ATP6V1H: variants seen among roughly 807,000 people sequenced by gnomAD.
The protein encoded by ATP6V1H is ATPase H+ transporting V1 subunit H.
A neutral mutation model predicts 71.7 loss-of-function variants in ATP6V1H; 39 were observed. The ratio of observed to expected loss-of-function variants is 0.54; its 90% CI spans 0.42 to 0.71. ATP6V1H has a LOEUF of 0.71. ATP6V1H is among the 30% of genes least tolerant of loss of function. The pLI is 0.00. For missense variants in ATP6V1H, 509 were observed against 594.9 expected (o/e 0.86, Z 1.50); for synonymous variants, 192 against 199.3 (o/e 0.96, Z 0.31).
chr8:53,829,060 G>A (rs983286237), intron 4 of ATP6V1H, among the ~76,000 whole-genome samples: 16 of 152,166 alleles, frequency 1.1e-4, no homozygotes, highest in African/African-American at 2.7e-4. Context: ...TCCAGGGCCC[G>A]GCACTGGCCT....
At chr8:53,748,936 G>A (rs1055707550) in intron 12 of ATP6V1H, among the ~76,000 whole-genome samples, 1 of 152,176 alleles carries the variant, frequency 6.6e-6, no homozygotes, top group African/African-American at 2.4e-5. Flanking sequence ...TTTGAACAAA[G>A]GAACACAGAG....
chr8:53,814,741 G>A lies in ATP6V1H; in HGVS notation c.446C>T (p.Ala149Val). 1.2e-6 allele frequency: 2 copies of A among 1,611,454 alleles called. No homozygotes were observed. The highest frequency in any genetic ancestry group is 1.7e-6 in the Non-Finnish European group (2 of 1,178,696). Reference protein sequence around the residue: ...HMAARIIAKLAAWGKELMEGS... With the variant: ...HMAARIIAKLVAWGKELMEGS... ...TTCCATCAGTTCTTTTCCCCAAGCTGCTAACTTGGCAATAATTCTTGCTGC... is the reference window on the plus strand; with the variant it reads ...TTCCATCAGTTCTTTTCCCCAAGCTACTAACTTGGCAATAATTCTTGCTGC... The change falls in exon 6 of 14, where the codon GCA becomes GTA. Residue 149 changes from alanine to valine, a missense_variant. Around this residue, in one of 2 missense-constraint regions of ATP6V1H, gnomAD observed 297 missense variants for 303.3 expected, o/e 0.98. Coordinates refer to ENST00000359530, the MANE Select transcript of ATP6V1H (RefSeq NM_015941.4).
intron 9 of ATP6V1H, among the ~76,000 whole-genome samples, chr8:53,782,322 T>C (rs1397481531): frequency 1.9e-3 from 282 of 146,606 alleles, no homozygotes; most frequent in African/African-American, 7.5e-3. Context: ...GGGAGTTCAC[T>C]CATGATTTGG....
chr8:53,832,449 G>A (rs1811038570), intron 3 of ATP6V1H: 1 of 151,864 alleles, frequency 6.6e-6, no homozygotes. Flanking sequence ...AGTAAAAAAG[G>A]AAACTATGTT....
intron 2 of ATP6V1H, among the ~76,000 whole-genome samples, chr8:53,836,612 T>C (rs1430238381): frequency 6.6e-6 from 1 of 152,192 alleles, no homozygotes; most frequent in African/African-American, 2.4e-5. Context: ...CTTCCACCAG[T>C]GGATTTCCCC....
chr8:53,820,825 A>C (rs895960293), intron 4 of ATP6V1H, among the ~76,000 whole-genome samples: 9 of 151,528 alleles, frequency 5.9e-5, no homozygotes, highest in African/African-American at 2.2e-4. Flanking sequence ...CTACTAAAAA[A>C]ACAAAAATTA....
chr8:53,767,367 T>C (rs1343342440), intron 11 of ATP6V1H, among the ~76,000 whole-genome samples: 2 of 152,218 alleles, frequency 1.3e-5, no homozygotes, highest in Non-Finnish European at 2.9e-5. Flanking sequence ...TTGCTCAATT[T>C]TTCTGTGAAT....
intron 4 of ATP6V1H, among the ~76,000 whole-genome samples, chr8:53,821,510 A>G (rs770357575): frequency 3.3e-5 from 5 of 151,986 alleles, no homozygotes; most frequent in Admixed American, 6.6e-5. Context: ...GCGAAATCCC[A>G]TCTCTACTAA....
At chr8:53,812,579 C>T (rs139937627) in intron 6 of ATP6V1H, among the ~76,000 whole-genome samples, 220 of 152,306 alleles carry the variant, frequency 1.4e-3, no homozygotes, top group Middle Eastern at 3.4e-3. Flanking sequence ...GCTAGTAGCA[C>T]GCCACGGCAT....
intron 12 of ATP6V1H, among the ~76,000 whole-genome samples, chr8:53,748,496 A>G (rs982876933): frequency 3.9e-5 from 6 of 152,222 alleles, no homozygotes; most frequent in Admixed American, 1.3e-4. Context: ...TGTTTTCTTA[A>G]TAATGAAAAT....
chr8:53,771,564 C>A (rs1026362323), intron 10 of ATP6V1H, among the ~76,000 whole-genome samples: 10 of 152,102 alleles, frequency 6.6e-5, no homozygotes, highest in Non-Finnish European at 1.0e-4. Context: ...ACTGTACATA[C>A]ATTATTTACA....
intron 13 of ATP6V1H, among the ~76,000 whole-genome samples, chr8:53,730,010 T>C (rs1427121428): frequency 2.6e-5 from 4 of 152,202 alleles, no homozygotes; most frequent in Admixed American, 1.3e-4. Context: ...AACATCATGA[T>C]GACACAGCTC....
intron 13 of ATP6V1H, among the ~76,000 whole-genome samples, chr8:53,727,898 CA>C (rs1806871917): frequency 6.6e-6 from 1 of 152,188 alleles, no homozygotes; most frequent in South Asian, 2.1e-4. Flanking sequence ...GCCAGACTGC[CA>C]ATCTTGATGT....
chr8:53,812,025 T>C (rs1455838325), intron 6 of ATP6V1H, among the ~76,000 whole-genome samples: 1 of 152,216 alleles, frequency 6.6e-6, no homozygotes, highest in African/African-American at 2.4e-5. Flanking sequence ...AGAGACACTC[T>C]AGATGTAGCA....
chr8:53,839,761 C>A (rs1030561188), intron 2 of ATP6V1H: 19 of 985,430 alleles, frequency 1.9e-5, no homozygotes, highest in Non-Finnish European at 2.3e-5. Context: ...GGCTCTGGGA[C>A]ACACACTCCC....
chr8:53,799,765 G>C (rs747513247), intron 8 of ATP6V1H, among the ~76,000 whole-genome samples: 4 of 152,202 alleles, frequency 2.6e-5, no homozygotes, highest in Middle Eastern at 3.4e-3. Flanking sequence ...TCATGAATGG[G>C]ATTAGTACCC....
intron 9 of ATP6V1H, among the ~76,000 whole-genome samples, chr8:53,792,880 A>G (rs1055755562): frequency 4.6e-5 from 7 of 152,230 alleles, no homozygotes; most frequent in Admixed American, 2.0e-4. Context: ...CTGAGTTTAA[A>G]TCCCTGGTCT....
At chr8:53,725,175 T>C (rs556524923) in intron 13 of ATP6V1H, among the ~76,000 whole-genome samples, 1 of 152,230 alleles carries the variant, frequency 6.6e-6, no homozygotes, top group South Asian at 2.1e-4. Flanking sequence ...ATCGGATTAA[T>C]CCATTCATGA....
chr8:53,784,618 G>C (rs999470533), intron 9 of ATP6V1H, among the ~76,000 whole-genome samples: 1 of 152,204 alleles, frequency 6.6e-6, no homozygotes, highest in Admixed American at 6.5e-5. Context: ...AGTTGATGCA[G>C]TTTCTTCCTA....
Sources: allele counts gnomAD v4.1 joint callset (sites outside exome capture counted in the v4.1 genomes callset), GRCh38; gene constraint gnomAD v4.1.1; regional missense constraint gnomAD v4.1.1; transcripts MANE v1.5; gene names NCBI Gene and HGNC (gene_info 2026-07-23, HGNC 2026-07-21).